Variants in SUMF1 observed in about 807,000 individuals in gnomAD.
SUMF1 encodes the protein formylglycine-generating enzyme.
SUMF1 carries 48 observed loss-of-function variants against 47.6 expected under a neutral mutation model. The observed-to-expected ratio is 1.01, with a 90% CI of 0.80 to 1.28. The LOEUF (loss-of-function observed/expected upper bound fraction) is 1.28, where lower values mean the gene tolerates loss of function less well. Among genes scored for constraint, SUMF1 ranks in the 50% most tolerant of loss-of-function variants. The probability of loss-of-function intolerance (pLI) is 0.00; values close to 1 mark genes in which losing one functional copy is unlikely to be tolerated. For synonymous variants in SUMF1, 230 were observed against 192.1 expected, an observed-to-expected ratio of 1.20 and a Z score of -1.63; for missense variants, 571 against 485.4, an observed-to-expected ratio of 1.18 and a Z score of -1.66.
At chr3:4,058,158 T>G (rs972602854) in intron 9 of SUMF1, among the ~76,000 whole-genome samples, 6 of 152,080 alleles carry the variant, frequency 3.9e-5, no homozygotes, top group African/African-American at 1.4e-4. Flanking sequence ...ATCACACAGA[T>G]AGTAGATGAG....
chr3:4,373,158 TAAGGAGAGAAAATGGGGTGATAAA>T, intron 8 of SUMF1, among the ~76,000 whole-genome samples: 1 of 151,232 alleles, frequency 6.6e-6, no homozygotes. Flanking sequence ...CTAATAAGCA[TAAGGAGAGAAAATGGGGTGATAAA>T]AAGTATGTAA....
Position 4,265,479 on chromosome 3 carries a change from T to C in SUMF1, c.1014+110851A>G, listed in dbSNP as rs1044382616. On this transcript the variant is annotated intron_variant and NMD_transcript_variant, in intron 8 of 12. Transcript: ENST00000448413. Reference sequence around the variant, plus strand: ...GCTTACAAAACACTTTTTCACACATTATTATTTAAATTCTCAGTGTCTCTG... The same window carrying C: ...GCTTACAAAACACTTTTTCACACATCATTATTTAAATTCTCAGTGTCTCTG... Among the ~76,000 whole-genome samples the C allele has an allele frequency of 3.3e-5, 5 of 152,170 alleles. No individual in the cohort carries two copies. The East Asian group carries it at 7.7e-4, about 23-fold the overall frequency.
At chr3:4,428,511 A>T (rs1702135653) in intron 3 of SUMF1, among the ~76,000 whole-genome samples, 1 of 151,992 alleles carries the variant, frequency 6.6e-6, no homozygotes, top group Non-Finnish European at 1.5e-5. Context: ...ATGCCACCAC[A>T]CTTGGCTAAT....
At position 4,260,024 on chromosome 3, in the gene SUMF1, TAA is replaced by T. The variant is rs11342745; in HGVS notation, c.1014+116304_1014+116305del. Among the ~76,000 whole-genome samples the T allele has an allele frequency of 9.1e-3, 1,289 of 140,922 alleles. 8 individuals carry two copies. The highest frequency in any genetic ancestry group is 0.012 in the Non-Finnish European group (768 of 64,334). 92.5% of individuals were successfully genotyped at this position (140,922 alleles called of 152,430 possible). ...GTTGACTCTGAAACCAGAAAAAGGA[TAA>T]AAAAAAAAAAAGAGTAATGATCTAG... is the stretch of plus-strand genomic sequence containing the variant. On this transcript the variant is annotated intron_variant and NMD_transcript_variant, in intron 8 of 12. Coordinates refer to the SUMF1 transcript ENST00000448413.
intron 8 of SUMF1, among the ~76,000 whole-genome samples, chr3:4,203,074 GT>G (rs1483239587): frequency 6.6e-6 from 1 of 151,902 alleles, no homozygotes; most frequent in African/African-American, 2.4e-5. Context: ...TGGATGAAAT[GT>G]TCTGTAAATA....
chr3:4,113,854 T>C (rs1485460638), intron 8 of SUMF1, among the ~76,000 whole-genome samples: 3 of 152,068 alleles, frequency 2.0e-5, no homozygotes, highest in African/African-American at 7.3e-5. Flanking sequence ...CAGATCCGGA[T>C]GCCTCCTCAA....
intron 8 of SUMF1, among the ~76,000 whole-genome samples, chr3:4,253,770 G>A (rs549230139): frequency 2.1e-5 from 3 of 146,068 alleles, no homozygotes; most frequent in East Asian, 3.9e-4. Flanking sequence ...ACAGCTCAAG[G>A]AGGCCTGCCT....
rs562289670 is a variant in SUMF1 at position 4,290,300 on chromosome 3, T to A, written c.1014+86030A>T. Among the ~76,000 whole-genome samples the A allele has an allele frequency of 2.0e-5, 3 of 148,546 alleles. No individual in the cohort carries two copies. In the East Asian group the frequency reaches 5.8e-4, roughly 29 times the overall value. On this transcript the variant is annotated intron_variant and NMD_transcript_variant, in intron 8 of 12. Transcript: ENST00000448413. Reference sequence around the variant, plus strand: ...TTGTGTAAATGTGAGTCTAAACAAATCACAGCAAAGGAAAACGTTTATCTG... The same window carrying A: ...TTGTGTAAATGTGAGTCTAAACAAAACACAGCAAAGGAAAACGTTTATCTG...
chr3:4,138,825 G>T (rs778804851), intron 8 of SUMF1, among the ~76,000 whole-genome samples: 3 of 152,012 alleles, frequency 2.0e-5, no homozygotes, highest in Non-Finnish European at 4.4e-5. Flanking sequence ...AGTCATTCTA[G>T]TGAATTACTA....
At chr3:4,308,323 G>C (rs866538441) in intron 8 of SUMF1, among the ~76,000 whole-genome samples, 3 of 152,244 alleles carry the variant, frequency 2.0e-5, no homozygotes, top group East Asian at 3.9e-4. Context: ...TATTGAACAC[G>C]TACATGCTAA....
chr3:4,335,942 C>T (rs930199582), intron 8 of SUMF1, among the ~76,000 whole-genome samples: 13 of 103,984 alleles, frequency 1.3e-4, no homozygotes, highest in Admixed American at 9.1e-4. Context: ...GCCTGGACAA[C>T]TGAGTGAGAT....
chr3:4,074,475 G>T (rs62259280), intron 8 of SUMF1, among the ~76,000 whole-genome samples: 5 of 151,940 alleles, frequency 3.3e-5, no homozygotes, highest in Non-Finnish European at 7.4e-5. Flanking sequence ...CAGAAGGCAA[G>T]AAATAACTAA....
intron 7 of SUMF1, among the ~76,000 whole-genome samples, chr3:4,397,419 G>A (rs1431317749): frequency 6.6e-6 from 1 of 152,228 alleles, no homozygotes; most frequent in Non-Finnish European, 1.5e-5. Flanking sequence ...TACTTGAAGT[G>A]AGAAAAGTAG....
At chr3:4,070,221 T>A (rs555479815) in intron 8 of SUMF1, among the ~76,000 whole-genome samples, 1 of 152,186 alleles carries the variant, frequency 6.6e-6, no homozygotes, top group Non-Finnish European at 1.5e-5. Context: ...TTGATTGATG[T>A]CTCATGCCTC....
At chr3:4,466,105 ATTTC>A (rs934885338) in intron 1 of SUMF1, among the ~76,000 whole-genome samples, 8 of 151,702 alleles carry the variant, frequency 5.3e-5, no homozygotes, top group African/African-American at 7.3e-5. Context: ...AGTAACAGTT[ATTTC>A]TTTCTTTCTT....
At position 4,467,110 on chromosome 3, in the gene SUMF1, G is replaced by T; in HGVS notation, c.136C>A (p.Leu46Ile). Reference sequence around the variant, plus strand: ...GTGCCGCAGCCGCAAGAACCCGCAAGGGACCCCGCGCCCGCACCGGTCCCG... The same window carrying T: ...GTGCCGCAGCCGCAAGAACCCGCAATGGACCCCGCGCCCGCACCGGTCCCG... The part of the protein sequence containing the change: ...EAGTGAGAGS[L>I]AGSCGCGTPQ... Residue 46 changes from leucine (L) to isoleucine (I), a missense_variant, in exon 1 of 9, where the codon CTT (leucine) becomes ATT (isoleucine). Leu to Ile is a conservative substitution (Grantham distance 5, BLOSUM62 2). Coordinates refer to ENST00000272902, the MANE Select transcript of SUMF1 (RefSeq NM_182760.4). The T allele has an allele frequency of 1.3e-6, 2 of 1,561,960 alleles. No individual in the cohort carries two copies. The highest frequency in any genetic ancestry group is 2.4e-5 in the East Asian group (1 of 41,722).
chr3:4,230,024 A>G (rs536977872), intron 8 of SUMF1, among the ~76,000 whole-genome samples: 1 of 152,160 alleles, frequency 6.6e-6, no homozygotes, highest in Admixed American at 6.5e-5. Flanking sequence ...AAAAAAAAAG[A>G]AAAGAAAAGA....
chr3:4,356,429 ACAGCG>A (rs1575124854), downstream of SUMF1, among the ~76,000 whole-genome samples: 5 of 151,750 alleles, frequency 3.3e-5, no homozygotes, highest in African/African-American at 4.8e-5. Flanking sequence ...CAGCGTGGGG[ACAGCG>A]TGGGGACAGA....
chr3:4,232,895 G>A (rs1473627119), intron 8 of SUMF1, among the ~76,000 whole-genome samples: 2 of 152,066 alleles, frequency 1.3e-5, no homozygotes. Context: ...TCCCCACAGA[G>A]TCATTGGGTT....
Sources: gnomAD v4.1 joint callset for allele counts (sites outside exome capture counted in the v4.1 genomes callset) on GRCh38, gnomAD v4.1.1 for gene constraint, MANE v1.5 for transcripts, NCBI Gene and HGNC (gene_info 2026-07-23, HGNC 2026-07-21) for gene names.